Variants in ETV1 observed in about 807,000 individuals in gnomAD.
ETV1 encodes the protein ETS translocation variant 1.
In ETV1, 27 loss-of-function variants were observed where a neutral mutation model predicts 62.3. That is an observed-to-expected ratio of 0.43 (90% confidence interval 0.32 to 0.60). ETV1 has a LOEUF of 0.60. Ranked by LOEUF, ETV1 falls within the 20% of genes least tolerant of loss-of-function variation. ETV1 has a pLI of 0.06. For synonymous variants in ETV1, 222 were observed against 199.6 expected (o/e 1.11, Z -0.94); for missense variants, 605 against 605.8 (o/e 1.00, Z 0.01).
chr7:13,952,352 CA>C (rs1269303179), intron 6 of ETV1, among the ~76,000 whole-genome samples: 1 of 152,080 alleles, frequency 6.6e-6, no homozygotes, highest in Non-Finnish European at 1.5e-5. Context: ...AGGAAAATGG[CA>C]AAGGTCTGGT....
In ETV1 at chr7:13,891,670, T is replaced by C. The variant is rs117932665; in HGVS notation, c.*4196A>G. ...TCTGAATAAACTGGGTGAAATTTTC[T>C]AGTATCATGCCCAACTATTACCATC... On this transcript the variant is annotated 3_prime_UTR_variant, in exon 14 of 14. Coordinates refer to ENST00000430479, the MANE Select transcript of ETV1 (RefSeq NM_004956.5). 0.013 allele frequency: 2,982 copies of C among 232,116 alleles called. 36 individuals carry two copies. Among genetic ancestry groups the C allele is most frequent in the Non-Finnish European group, 0.018 (2,074 of 117,420 alleles). 14.4% of individuals were successfully genotyped at this position (232,116 alleles called of 1,614,324 possible). A position where few individuals can be genotyped will look rare whatever the true frequency, so the allele number is the denominator to read the frequency against.
intron 13 of ETV1, 174 bp downstream of exon 13, chr7:13,900,564 T>A: frequency 1.8e-6 from 1 of 542,490 alleles, no homozygotes; most frequent in Non-Finnish European, 3.2e-6. Context: ...TTGTCTACAA[T>A]GTCTAGGCAT....
At chr7:13,973,913 T>G (rs752557180) in intron 6 of ETV1, among the ~76,000 whole-genome samples, 1 of 152,192 alleles carries the variant, frequency 6.6e-6, no homozygotes, top group Non-Finnish European at 1.5e-5. Flanking sequence ...ACTCTGAAGA[T>G]GCTTAGGAGG....
chr7:13,930,562 C>T (rs906386241), intron 9 of ETV1, among the ~76,000 whole-genome samples: 2 of 151,864 alleles, frequency 1.3e-5, no homozygotes, highest in Non-Finnish European at 2.9e-5. Flanking sequence ...ACCTCGTAAT[C>T]CGCCCACCTC....
chr7:13,909,692 A>C lies in ETV1; in HGVS notation c.880T>G (p.Phe294Val). 1 of 1,612,368 alleles carries C rather than the reference A, an allele frequency of 6.2e-7. No individual in the cohort carries two copies. The highest frequency in any genetic ancestry group is 8.5e-7 in the Non-Finnish European group (1 of 1,178,502). The change falls in exon 11 of 14, where the codon TTT becomes GTT. Residue 294 changes from phenylalanine to valine, a missense_variant. Physicochemically the swap from Phe to Val is conservative, Grantham distance 50 (BLOSUM62 -1). Around this residue, in one of 3 missense-constraint regions of ETV1, gnomAD observed 426 missense variants for 377.8 expected, o/e 1.13. Coordinates refer to ENST00000430479, the MANE Select transcript of ETV1 (RefSeq NM_004956.5). ...TAAAACTGCCTGGGGCCCTTTTCAAACATACAGCCTGTGGATGAAAAAGGA... is the reference window on the plus strand; with the variant it reads ...TAAAACTGCCTGGGGCCCTTTTCAACCATACAGCCTGTGGATGAAAAAGGA... ...AHPSRTEGCM[F>V]EKGPRQFYDD...
chr7:13,990,943 T>C (rs1303482595), upstream of ETV1, among the ~76,000 whole-genome samples: 3 of 152,018 alleles, frequency 2.0e-5, no homozygotes, highest in African/African-American at 4.8e-5. Flanking sequence ...TAAAATGGAG[T>C]GTAAGAGCGC....
intron 6 of ETV1, among the ~76,000 whole-genome samples, chr7:13,946,870 C>A (rs2128467577): frequency 6.6e-6 from 1 of 152,254 alleles, no homozygotes; most frequent in African/African-American, 2.4e-5. Flanking sequence ...CTCACCGCAA[C>A]CCCTGCCTCG....
chr7:13,989,827 C>G (rs1017061252), upstream of ETV1: 5 of 381,514 alleles, frequency 1.3e-5, no homozygotes, highest in Admixed American at 2.3e-4. Context: ...GGGTCTCCCT[C>G]GCCCCTCTGC....
Position 13,907,306 on chromosome 7 carries a change from A to G in ETV1, c.941-707T>C, listed in dbSNP as rs186023254. On this transcript the variant is annotated intron_variant, in intron 11 of 13. Transcript: ENST00000430479. ...CAAAAATTCTCTCTCATTTTTCTTT[A>G]TCTCTTGCTTGTACTTCACTCACTT... Among the ~76,000 whole-genome samples, 136 of 152,222 alleles carry G rather than the reference A, an allele frequency of 8.9e-4. 1 individual carries two copies. In the East Asian group the frequency reaches 0.02, roughly 22 times the overall value.
chr7:13,895,761 A>C lies in ETV1; in HGVS notation c.*105T>G, dbSNP rs1298023390. ...GCCCCTTTTTGTGTATTATTATTTA[A>C]AAATAAAATACAAACAACAGAAATA... is the stretch of plus-strand genomic sequence containing the variant. On this transcript the variant is annotated 3_prime_UTR_variant, in exon 14 of 14. Coordinates refer to ENST00000430479, the MANE Select transcript of ETV1 (RefSeq NM_004956.5). 2 of 808,562 alleles carry C rather than the reference A, an allele frequency of 2.5e-6. No individual in the cohort carries two copies. The highest frequency in any genetic ancestry group is 5.3e-5 in the Admixed American group (2 of 37,928). The allele number at this position is 808,562 out of a possible 1,614,324, so 50.1% of individuals were successfully genotyped here.
chr7:13,908,975 C>A (rs1206129354), intron 11 of ETV1, among the ~76,000 whole-genome samples: 2 of 151,568 alleles, frequency 1.3e-5, no homozygotes, highest in African/African-American at 4.9e-5. Context: ...ACTTTTGTCA[C>A]CTTTGTCAAA....
chr7:13,944,844 A>G (rs1180262557), intron 6 of ETV1, among the ~76,000 whole-genome samples: 1 of 152,208 alleles, frequency 6.6e-6, no homozygotes, highest in Non-Finnish European at 1.5e-5. Context: ...TATGACTAGT[A>G]TCCTTATAAA....
chr7:13,911,125 G>A (rs912159591), intron 10 of ETV1, 114 bp downstream of exon 10: 20 of 711,608 alleles, frequency 2.8e-5, no homozygotes, highest in Middle Eastern at 2.5e-4. Flanking sequence ...ATTGCTTAGG[G>A]AACATAAATG....
intron 10 of ETV1, among the ~76,000 whole-genome samples, chr7:13,910,228 C>CTT (rs58867942): frequency 0.024 from 2,826 of 120,210 alleles, 130 homozygotes; most frequent in African/African-American, 0.066. Flanking sequence ...AAAAGTTTCC[C>CTT]TTTTTTTTTT....
At chr7:13,959,633 C>A (rs1211548136) in intron 6 of ETV1, among the ~76,000 whole-genome samples, 1 of 151,978 alleles carries the variant, frequency 6.6e-6, no homozygotes, top group Non-Finnish European at 1.5e-5. Flanking sequence ...CCTGTAATCC[C>A]AGCACTTTGC....
At chr7:13,986,523 T>C (rs1486301117) in intron 5 of ETV1, 115 bp downstream of exon 5, 5 of 1,555,750 alleles carry the variant, frequency 3.2e-6, no homozygotes, top group Admixed American at 4.3e-5. Context: ...ACACATGAGG[T>C]GGCTCTTTTA....
chr7:13,957,394 T>C (rs1451522064), intron 6 of ETV1, among the ~76,000 whole-genome samples: 1 of 152,168 alleles, frequency 6.6e-6, no homozygotes, highest in Admixed American at 6.5e-5. Context: ...TGTAACCTTT[T>C]GAGATGCTTA....
intron 7 of ETV1, 59 bp from the exon 8 acceptor site, chr7:13,935,955 A>C: frequency 1.5e-6 from 2 of 1,363,652 alleles, no homozygotes; most frequent in Non-Finnish European, 2.0e-6. Flanking sequence ...TTTTTAAAAA[A>C]GTTTCTAATC....
intron 9 of ETV1, among the ~76,000 whole-genome samples, chr7:13,915,179 A>G (rs890386609): frequency 6.6e-6 from 1 of 152,186 alleles, no homozygotes; most frequent in Admixed American, 6.5e-5. Flanking sequence ...TGGATTGATT[A>G]TACACTTGAC....
Sources: gnomAD v4.1 joint callset for allele counts (sites outside exome capture counted in the v4.1 genomes callset) on GRCh38, gnomAD v4.1.1 for gene constraint, gnomAD v4.1.1 regional missense constraint, MANE v1.5 for transcripts, NCBI Gene and HGNC (gene_info 2026-07-23, HGNC 2026-07-21) for gene names.